The following ANXA3 variants were observed in gnomAD, a reference collection of about 807,000 sequenced individuals.
ANXA3 encodes annexin A3.
In ANXA3, 46 loss-of-function variants were observed where a neutral mutation model predicts 48.8. The ratio of observed to expected loss-of-function variants is 0.94; its 90% confidence interval spans 0.74 to 1.21. ANXA3 has a LOEUF of 1.21. Ranked by LOEUF, ANXA3 falls within the 50% of genes most tolerant of loss-of-function variation. The pLI is 0.00. For synonymous variants in ANXA3, 128 were observed against 134.7 expected (o/e 0.95, Z 0.35); for missense variants, 383 against 378.6 (o/e 1.01, Z -0.10).
chr4:78,591,551 G>C lies in ANXA3; in HGVS notation c.411G>C (p.Lys137Asn). 1.2e-6 allele frequency: 2 copies of C among 1,610,768 alleles called. No individual in the cohort carries two copies. Among genetic ancestry groups the C allele is most frequent in the Non-Finnish European group, 1.7e-6 (2 of 1,177,548 alleles). The change falls in exon 7 of 13, where the codon AAG becomes AAC. Residue 137 changes from lysine (K) to asparagine (N), a missense_variant. Lys to Asn is a moderately conservative substitution (Grantham distance 94). Coordinates refer to ENST00000264908, the MANE Select transcript of ANXA3 (RefSeq NM_005139.3). ...ATTCTGATTTGGTTTCAGTATACAA[G>C]AAGAGTCTTGGAGATGACATTAGTT... ...DISQAYYTVY[K>N]KSLGDDISSE...
intron 7 of ANXA3, among the ~76,000 whole-genome samples, chr4:78,593,696 G>A (rs1437635986): frequency 6.7e-6 from 1 of 149,666 alleles, no homozygotes; most frequent in Non-Finnish European, 1.5e-5. Context: ...GAGAACTATG[G>A]TGTGATCTTA....
At chr4:78,566,998 C>T (rs1030640167) in intron 2 of ANXA3, among the ~76,000 whole-genome samples, 1 of 152,160 alleles carries the variant, frequency 6.6e-6, no homozygotes, top group Admixed American at 6.5e-5. Context: ...CGTTCAGCAC[C>T]GCCTACTCCT....
At chr4:78,609,460 G>A (rs1373037826) in intron 12 of ANXA3, among the ~76,000 whole-genome samples, 2 of 152,162 alleles carry the variant, frequency 1.3e-5, no homozygotes, top group African/African-American at 4.8e-5. Context: ...TTGGGAAAAG[G>A]AACTGATAAA....
At chr4:78,595,131 C>A (rs1375868607) in intron 7 of ANXA3, among the ~76,000 whole-genome samples, 1 of 150,930 alleles carries the variant, frequency 6.6e-6, no homozygotes, top group Non-Finnish European at 1.5e-5. Flanking sequence ...AGAGTGAGAA[C>A]CTGTCTCTAA....
At chr4:78,565,016 T>C (rs1292940294) in intron 2 of ANXA3, among the ~76,000 whole-genome samples, 1 of 140,516 alleles carries the variant, frequency 7.1e-6, no homozygotes, top group Non-Finnish European at 1.5e-5. Context: ...TTTTTTGAGA[T>C]GGAGTCTCGC....
intron 6 of ANXA3, 108 bp from the exon 7 acceptor site, chr4:78,591,436 C>T: frequency 1.4e-6 from 1 of 720,450 alleles, no homozygotes; most frequent in Non-Finnish European, 2.4e-6. Flanking sequence ...CAAGATTTAT[C>T]TTATCACATA....
chr4:78,562,281 A>G (rs1546176), intron 2 of ANXA3, among the ~76,000 whole-genome samples: 86,081 of 152,080 alleles, frequency 0.57, 27,313 homozygotes, highest in Non-Finnish European at 0.72. Flanking sequence ...CAGGTCTCAC[A>G]TGAATTATAA....
intron 6 of ANXA3, among the ~76,000 whole-genome samples, chr4:78,589,813 G>A (rs1723253714): frequency 6.6e-6 from 1 of 152,162 alleles, no homozygotes; most frequent in South Asian, 2.1e-4. Flanking sequence ...GTCTTCTACA[G>A]CTTATTCAGT....
chr4:78,590,981 A>G (rs946486076), intron 6 of ANXA3, among the ~76,000 whole-genome samples: 7 of 152,124 alleles, frequency 4.6e-5, no homozygotes, highest in African/African-American at 1.7e-4. Flanking sequence ...ACAGTCCAAG[A>G]TGGCTGCCCA....
intron 11 of ANXA3, chr4:78,602,000 T>C (rs1291040736): frequency 6.5e-6 from 1 of 153,922 alleles, no homozygotes. Flanking sequence ...CCCAGCATTT[T>C]AGGAGGCCCA....
At chr4:78,581,373 T>C (rs1723066962) in intron 4 of ANXA3, among the ~76,000 whole-genome samples, 1 of 152,200 alleles carries the variant, frequency 6.6e-6, no homozygotes, top group African/African-American at 2.4e-5. Context: ...GTGAAAACAG[T>C]GCTCAAAACA....
intron 3 of ANXA3, among the ~76,000 whole-genome samples, chr4:78,574,616 T>A (rs1722910730): frequency 6.6e-6 from 1 of 152,252 alleles, no homozygotes; most frequent in Non-Finnish European, 1.5e-5. Context: ...GAAATCATAC[T>A]GTATACATTC....
At chr4:78,586,458 A>G in intron 6 of ANXA3, 108 bp downstream of exon 6, 1 of 731,342 alleles carries the variant, frequency 1.4e-6, no homozygotes, top group Non-Finnish European at 2.2e-6. Flanking sequence ...AGAAGACAAG[A>G]CTTACAGAAA....
chr4:78,603,852 C>G (rs1351112882), intron 11 of ANXA3: 1 of 152,738 alleles, frequency 6.5e-6, no homozygotes, highest in African/African-American at 2.4e-5. Context: ...TTCTCTCCTC[C>G]CTACATGAAC....
intron 9 of ANXA3, 55 bp from the exon 10 acceptor site, chr4:78,597,264 A>T (rs1019083860): frequency 1.7e-6 from 2 of 1,178,448 alleles, no homozygotes; most frequent in Non-Finnish European, 2.5e-6. Context: ...ACTAGAATAT[A>T]TTCAAATGTG....
chr4:78,577,282 G>A (rs1404343755), intron 3 of ANXA3, among the ~76,000 whole-genome samples: 1 of 152,186 alleles, frequency 6.6e-6, no homozygotes, highest in Non-Finnish European at 1.5e-5. Flanking sequence ...ATAATATAGA[G>A]AATAAGATAA....
intron 4 of ANXA3, among the ~76,000 whole-genome samples, chr4:78,580,120 TAAAAA>T (rs1723042696): frequency 6.6e-6 from 1 of 152,090 alleles, no homozygotes; most frequent in African/African-American, 2.4e-5. Flanking sequence ...AACAAGTAAA[TAAAAA>T]TAATTCAGAT....
At chr4:78,586,516 A>AATTGG (rs2109939989) in intron 6 of ANXA3, among the ~76,000 whole-genome samples, 166 bp downstream of exon 6, 1 of 152,356 alleles carries the variant, frequency 6.6e-6, no homozygotes, top group Non-Finnish European at 1.5e-5. Context: ...TTCCAGGAAA[A>AATTGG]ATTGGAATAT....
At chr4:78,562,512 C>CT (rs918084301) in intron 2 of ANXA3, among the ~76,000 whole-genome samples, 1 of 152,202 alleles carries the variant, frequency 6.6e-6, no homozygotes, top group Non-Finnish European at 1.5e-5. Flanking sequence ...TCTGAAAAGT[C>CT]TGACACCGGC....
Sources: allele counts gnomAD v4.1 joint callset (sites outside exome capture counted in the v4.1 genomes callset), GRCh38; gene constraint gnomAD v4.1.1; transcripts MANE v1.5; gene names NCBI Gene and HGNC (gene_info 2026-07-23, HGNC 2026-07-21).